ZDHHC9: variants seen among roughly 807,000 people sequenced by gnomAD.
ZDHHC9 encodes the protein palmitoyltransferase ZDHHC9.
Under a neutral mutation model 26.6 loss-of-function variants are expected in ZDHHC9, and 3 were observed. That is an observed-to-expected ratio of 0.11 (90% CI 0.05 to 0.29). The LOEUF is 0.29. Ranked by LOEUF, ZDHHC9 falls within the 10% of genes least tolerant of loss-of-function variation. The pLI, the probability that ZDHHC9 is intolerant of heterozygous loss-of-function variation, is 1.00. For missense variants in ZDHHC9, 146 were observed against 296.4 expected (o/e 0.49, Z 3.73); for synonymous variants, 111 against 109.4 (o/e 1.01, Z -0.09).
intron 5 of ZDHHC9, 35 bp from the exon 6 acceptor site, chrX:129,814,830 C>A: frequency 8.3e-7 from 1 of 1,209,318 alleles, no homozygotes; most frequent in African/African-American, 1.7e-5. Context: ...AGCCAAAAGC[C>A]TCCAGAACAA....
intron 3 of ZDHHC9, among the ~76,000 whole-genome samples, chrX:129,840,555 C>T (rs1377113007): frequency 3.6e-5 from 4 of 111,716 alleles, no homozygotes; most frequent in African/African-American, 1.3e-4. Context: ...AATAAGAAGC[C>T]TTCAGCAACC....
intron 3 of ZDHHC9, among the ~76,000 whole-genome samples, chrX:129,836,929 T>A (rs747821477): frequency 4.4e-5 from 5 of 112,510 alleles, no homozygotes; most frequent in Non-Finnish European, 9.4e-5. Context: ...ATGTACACTT[T>A]ACTAAAGCAT....
chrX:129,832,152 A>G (rs1446260368), intron 3 of ZDHHC9, among the ~76,000 whole-genome samples: 1 of 109,025 alleles, frequency 9.2e-6, no homozygotes, highest in Non-Finnish European at 1.9e-5. Flanking sequence ...ATATCTTTGT[A>G]TATATATCTT....
chrX:129,826,000 G>A (rs1376150681), intron 4 of ZDHHC9, among the ~76,000 whole-genome samples: 1 of 111,817 alleles, frequency 8.9e-6, no homozygotes, highest in Admixed American at 9.5e-5. Context: ...CTGCCCATCC[G>A]CAGCATATGA....
chrX:129,814,793 G>A lies in ZDHHC9; in HGVS notation c.490C>T (p.Arg164Cys), dbSNP rs754241413. Residue 164 changes from arginine to cysteine, a missense_variant and splice_region_variant, in exon 6 of 11, where the codon CGC becomes TGC. This residue lies in a region of ZDHHC9 where 100 missense variants were observed against 250.0 expected (regional missense o/e 0.40). Transcript: ENST00000357166. Reference protein sequence around the residue: ...HCSICDNCVERFDHHCPWVGN... With the variant: ...HCSICDNCVECFDHHCPWVGN... ...ACCCAGGGGCAGTGATGGTCGAAGCGCTCTGTGGGAGAAAGAGAGAGTCCA... is the reference window on the plus strand; with the variant it reads ...ACCCAGGGGCAGTGATGGTCGAAGCACTCTGTGGGAGAAAGAGAGAGTCCA... 2.5e-6 allele frequency: 3 copies of A among 1,211,207 alleles called. No homozygotes were observed. Among genetic ancestry groups the A allele is most frequent in the Non-Finnish European group, 3.4e-6 (3 of 895,215 alleles).
chrX:129,823,990 T>A (rs1927953344), intron 4 of ZDHHC9, among the ~76,000 whole-genome samples, 153 bp from the exon 5 acceptor site: 1 of 112,085 alleles, frequency 8.9e-6, no homozygotes. Flanking sequence ...AATATGCCCA[T>A]AAAACTCCAC....
intron 8 of ZDHHC9, 56 bp downstream of exon 8, chrX:129,812,662 G>T: frequency 9.6e-7 from 1 of 1,043,370 alleles, no homozygotes; most frequent in African/African-American, 1.8e-5. Context: ...CAGGTAGCAA[G>T]AGGATAGGCT....
chrX:129,807,657 TA>T (rs2124097771), intron 10 of ZDHHC9, among the ~76,000 whole-genome samples: 1 of 109,887 alleles, frequency 9.1e-6, no homozygotes, highest in East Asian at 2.9e-4. Context: ...CGGTCTCTAC[TA>T]AAAACACAAA....
At chrX:129,823,916 A>C in intron 4 of ZDHHC9, 79 bp from the exon 5 acceptor site, 12 of 971,340 alleles carry the variant, frequency 1.2e-5, no homozygotes, top group Non-Finnish European at 1.6e-5. Context: ...TCCAAAACCA[A>C]TGGGGGCATT....
At chrX:129,820,618 T>C (rs1479665459) in intron 5 of ZDHHC9, among the ~76,000 whole-genome samples, 1 of 111,431 alleles carries the variant, frequency 9.0e-6, no homozygotes, top group Non-Finnish European at 1.9e-5. Context: ...AAATCATTTA[T>C]TTGACTATTA....
At chrX:129,832,810 A>AATAAATAAATAAATAC (rs1322848585) in intron 3 of ZDHHC9, among the ~76,000 whole-genome samples, 1 of 107,264 alleles carries the variant, frequency 9.3e-6, no homozygotes, top group African/African-American at 3.4e-5. Context: ...TAAATAAATA[A>AATAAATAAATAAATAC]ATACATAAGC....
intron 8 of ZDHHC9, among the ~76,000 whole-genome samples, 159 bp downstream of exon 8, chrX:129,812,559 C>G (rs1002005725): frequency 8.0e-5 from 9 of 112,315 alleles, no homozygotes; most frequent in Non-Finnish European, 1.3e-4. Flanking sequence ...AAGCCCTCTC[C>G]TTTCTCTTCC....
At chrX:129,827,247 G>A (rs1463147969) in intron 4 of ZDHHC9, among the ~76,000 whole-genome samples, 1 of 79,983 alleles carries the variant, frequency 1.3e-5, no homozygotes, top group Non-Finnish European at 2.3e-5. Context: ...AGGAAAGGAA[G>A]GAAAAAGGAA....
intron 3 of ZDHHC9, among the ~76,000 whole-genome samples, chrX:129,834,465 C>T (rs192392234): frequency 9.0e-4 from 100 of 111,652 alleles, no homozygotes; most frequent in African/African-American, 3.0e-3. Flanking sequence ...AGATTTACTT[C>T]TATGTGAAGG....
chrX:129,826,729 A>G (rs138201228), intron 4 of ZDHHC9, among the ~76,000 whole-genome samples: 2,403 of 111,733 alleles, frequency 0.022, 55 homozygotes, highest in Admixed American at 0.092. Flanking sequence ...CTGTGCCAGC[A>G]CACGTCGCCT....
At chrX:129,839,288 G>A (rs1419124538) in intron 3 of ZDHHC9, among the ~76,000 whole-genome samples, 2 of 105,733 alleles carry the variant, frequency 1.9e-5, no homozygotes, top group African/African-American at 3.5e-5. Flanking sequence ...TCAGCTCACT[G>A]CAACCTCCGC....
Position 129,843,882 on chromosome X carries a change from A to T in ZDHHC9, c.-390T>A, listed in dbSNP as rs1928445086. On this transcript the variant is annotated 5_prime_UTR_variant, in exon 1 of 11. It adds an upstream start codon to the 5' untranslated region. Coordinates refer to ENST00000357166, the MANE Select transcript of ZDHHC9 (RefSeq NM_016032.4). Reference sequence around the variant, plus strand: ...TGTGGCAACCGCCCACCACTGGCCAAATGGAACGCTCCTCACGTCACCAGG... The same window carrying T: ...TGTGGCAACCGCCCACCACTGGCCATATGGAACGCTCCTCACGTCACCAGG... 8.9e-6 allele frequency: 1 copy of T among 111,767 alleles called. No homozygotes were observed. The highest frequency in any genetic ancestry group is 3.3e-5 in the African/African-American group (1 of 30,740). The allele number at this position is 111,767 out of a possible 1,213,427, so 9.2% of individuals were successfully genotyped here. A position where few individuals can be genotyped will look rare whatever the true frequency, so the allele number is the denominator to read the frequency against.
At chrX:129,842,440 C>G (rs1928403967) in intron 2 of ZDHHC9, among the ~76,000 whole-genome samples, 1 of 112,582 alleles carries the variant, frequency 8.9e-6, no homozygotes, top group Non-Finnish European at 1.9e-5. Flanking sequence ...AATAACTTAT[C>G]CAGGACCACA....
At chrX:129,813,569 C>A in intron 7 of ZDHHC9, 108 bp downstream of exon 7, 2 of 816,487 alleles carry the variant, frequency 2.4e-6, no homozygotes, top group South Asian at 4.2e-5. Flanking sequence ...TAGACCTTGG[C>A]ACTCTCTGAT....
Sources: allele counts gnomAD v4.1 joint callset (sites outside exome capture counted in the v4.1 genomes callset), GRCh38; gene constraint gnomAD v4.1.1; regional missense constraint gnomAD v4.1.1; transcripts MANE v1.5; gene names NCBI Gene and HGNC (gene_info 2026-07-23, HGNC 2026-07-21).